TMEM135: variants seen among roughly 807,000 people sequenced by gnomAD.
TMEM135 encodes the protein transmembrane protein 135.
In TMEM135, 30 loss-of-function variants were observed where a neutral mutation model predicts 60.3. That is an observed-to-expected ratio of 0.50 (90% confidence interval 0.37 to 0.68). TMEM135 has a LOEUF of 0.68. TMEM135 is among the 30% of genes least tolerant of loss of function. The pLI is 0.00. For synonymous variants in TMEM135, 190 were observed against 186.7 expected, an observed-to-expected ratio of 1.02 and a Z score of -0.14; for missense variants, 468 against 548.8, an observed-to-expected ratio of 0.85 and a Z score of 1.47.
chr11:87,289,604 C>T (rs1418085326), intron 6 of TMEM135, among the ~76,000 whole-genome samples: 3 of 151,816 alleles, frequency 2.0e-5, no homozygotes, highest in Admixed American at 2.0e-4. Context: ...TTACAGATGC[C>T]CGCCACCATG....
intron 5 of TMEM135, among the ~76,000 whole-genome samples, chr11:87,206,504 GA>G (rs992360790): frequency 6.6e-6 from 1 of 151,586 alleles, no homozygotes; most frequent in African/African-American, 2.4e-5. Context: ...AACATATATT[GA>G]AAAAAACAGT....
At chr11:87,226,412 C>G (rs1940765507) in intron 5 of TMEM135, among the ~76,000 whole-genome samples, 1 of 152,076 alleles carries the variant, frequency 6.6e-6, no homozygotes, top group Non-Finnish European at 1.5e-5. Context: ...CTGGATTTTT[C>G]CATATGTAAA....
chr11:87,136,197 T>C (rs1026828942), intron 4 of TMEM135, among the ~76,000 whole-genome samples: 4 of 152,084 alleles, frequency 2.6e-5, no homozygotes, highest in Non-Finnish European at 5.9e-5. Flanking sequence ...TTTTTAAATC[T>C]GTATGCCTTA....
At chr11:87,306,141 A>G (rs1201351914) in intron 9 of TMEM135, 136 bp downstream of exon 9, 3 of 478,536 alleles carry the variant, frequency 6.3e-6, no homozygotes, top group Non-Finnish European at 1.0e-5. Context: ...TTTGACTTCA[A>G]GAGTGAGAAA....
intron 4 of TMEM135, among the ~76,000 whole-genome samples, chr11:87,143,233 G>T (rs191784219): frequency 5.1e-4 from 78 of 152,012 alleles, no homozygotes; most frequent in Admixed American, 1.6e-3. Context: ...ATATTGCCAA[G>T]AATTTTTTGA....
chr11:87,295,402 T>G (rs1231208684), intron 6 of TMEM135, among the ~76,000 whole-genome samples: 2 of 152,174 alleles, frequency 1.3e-5, no homozygotes, highest in African/African-American at 4.8e-5. Flanking sequence ...AATTGATCTA[T>G]ATATAACACC....
intron 5 of TMEM135, among the ~76,000 whole-genome samples, chr11:87,206,956 T>C (rs1400771639): frequency 6.6e-6 from 1 of 152,164 alleles, no homozygotes; most frequent in Non-Finnish European, 1.5e-5. Flanking sequence ...TAAAAAAAAT[T>C]ATCCCCAGCC....
At chr11:87,168,253 C>T (rs916012366) in intron 5 of TMEM135, among the ~76,000 whole-genome samples, 3 of 151,994 alleles carry the variant, frequency 2.0e-5, no homozygotes, top group African/African-American at 7.2e-5. Context: ...GTCAAAAAAC[C>T]AGCTCCTGGA....
In TMEM135 at chr11:87,324,672, C is replaced by T. The variant is rs1460942839; in HGVS notation, c.*3339C>T. The T allele has an allele frequency of 2.2e-6, 1 of 452,904 alleles. No homozygotes were observed. Among genetic ancestry groups the T allele is most frequent in the Admixed American group, 2.4e-5 (1 of 42,392 alleles). The allele number at this position is 452,904 out of a possible 1,614,324, so 28.1% of individuals were successfully genotyped here. On this transcript the variant is annotated 3_prime_UTR_variant, in exon 15 of 15. Transcript: ENST00000305494. ...TCTTAAACTCCTGGCCTCAAGTGATCCTCTTGGGTTGGCCTCCCGGGACTC... is the reference window on the plus strand; with the variant it reads ...TCTTAAACTCCTGGCCTCAAGTGATTCTCTTGGGTTGGCCTCCCGGGACTC...
intron 5 of TMEM135, among the ~76,000 whole-genome samples, chr11:87,188,122 A>G (rs1034797091): frequency 6.6e-6 from 1 of 152,192 alleles, no homozygotes; most frequent in African/African-American, 2.4e-5. Flanking sequence ...GAAGTTCAGC[A>G]GATCGCTATG....
intron 5 of TMEM135, among the ~76,000 whole-genome samples, chr11:87,200,408 C>CTTTAA (rs1295271680): frequency 6.6e-6 from 1 of 151,994 alleles, no homozygotes; most frequent in African/African-American, 2.4e-5. Flanking sequence ...TTGTGATTTC[C>CTTTAA]TTTAATTTTT....
intron 1 of TMEM135, among the ~76,000 whole-genome samples, chr11:87,040,983 G>C (rs1949745769): frequency 6.6e-6 from 1 of 152,098 alleles, no homozygotes; most frequent in Non-Finnish European, 1.5e-5. Context: ...GACATTTATA[G>C]CATACCTATT....
At chr11:87,203,591 GTTTA>G (rs947502848) in intron 5 of TMEM135, among the ~76,000 whole-genome samples, 1 of 152,034 alleles carries the variant, frequency 6.6e-6, no homozygotes, top group African/African-American at 2.4e-5. Context: ...GGATGTACCA[GTTTA>G]TTTACTCACC....
chr11:87,125,061 C>T (rs11234979), intron 4 of TMEM135, among the ~76,000 whole-genome samples: 19,596 of 152,176 alleles, frequency 0.13, 1,351 homozygotes, highest in Middle Eastern at 0.15. Context: ...TGACTTGACT[C>T]GTTAGAACTT....
intron 5 of TMEM135, among the ~76,000 whole-genome samples, chr11:87,158,882 A>G (rs1180768667): frequency 1.3e-5 from 2 of 152,218 alleles, no homozygotes; most frequent in Non-Finnish European, 2.9e-5. Flanking sequence ...ACTTACAGCA[A>G]TAAGGTCAGA....
Position 87,314,538 on chromosome 11 carries a change from A to G in TMEM135, c.1068A>G (p.Lys356=). The stretch of plus-strand genomic sequence containing the variant: ...CAATTTCCATGTATTTAGCGTCCAA[A>G]TTGGTAGAGGTAAGCGAAATTTTTG... ...STTISMYLAS[K]LVETMYFKGI... Residue 356 remains lysine (K), a synonymous_variant, in exon 12 of 15, where the codon AAA becomes AAG. Transcript: ENST00000305494. 6.2e-7 allele frequency: 1 copy of G among 1,610,720 alleles called. No individual in the cohort carries two copies. The highest frequency in any genetic ancestry group is 1.3e-5 in the African/African-American group (1 of 74,926).
At chr11:87,123,271 C>G (rs78311639) in intron 4 of TMEM135, among the ~76,000 whole-genome samples, 1 of 151,598 alleles carries the variant, frequency 6.6e-6, no homozygotes, top group African/African-American at 2.4e-5. Context: ...GAGCTATGCT[C>G]CTGAAGTTTC....
intron 5 of TMEM135, among the ~76,000 whole-genome samples, chr11:87,232,766 A>G (rs2135369479): frequency 6.6e-6 from 1 of 152,274 alleles, no homozygotes; most frequent in Non-Finnish European, 1.5e-5. Flanking sequence ...GTATAATGTC[A>G]TTTGAATATA....
At chr11:87,244,879 T>A (rs1177735518) in intron 6 of TMEM135, among the ~76,000 whole-genome samples, 1 of 150,816 alleles carries the variant, frequency 6.6e-6, no homozygotes, top group African/African-American at 2.4e-5. Flanking sequence ...TAGTTATTTC[T>A]TGCCTTCTGC....
Sources: gnomAD v4.1 joint callset for allele counts (sites outside exome capture counted in the v4.1 genomes callset) on GRCh38, gnomAD v4.1.1 for gene constraint, MANE v1.5 for transcripts, NCBI Gene and HGNC (gene_info 2026-07-23, HGNC 2026-07-21) for gene names.